The following KIAA1217 variants were observed in gnomAD, a reference collection of about 807,000 sequenced individuals.
KIAA1217 encodes KIAA1217.
In KIAA1217, 88 loss-of-function variants were observed where a neutral mutation model predicts 163.9. The ratio of observed to expected loss-of-function variants is 0.54; its 90% CI spans 0.45 to 0.64. KIAA1217 has a LOEUF of 0.64. Among genes scored for constraint, KIAA1217 ranks in the 30% least tolerant of loss-of-function variants. KIAA1217 has a pLI of 0.00. For missense variants in KIAA1217, 2,372 were observed against 2,475.0 expected (o/e 0.96, Z 0.88); for synonymous variants, 903 against 923.1 (o/e 0.98, Z 0.39).
intron 2 of KIAA1217, among the ~76,000 whole-genome samples, chr10:24,062,941 T>C (rs1477522893): frequency 2.0e-5 from 3 of 152,312 alleles, no homozygotes; most frequent in Non-Finnish European, 2.9e-5. Context: ...ATATCTTCTT[T>C]TGAGAAGTGT....
chr10:23,705,678 A>T (rs1304537305), intron 1 of KIAA1217, among the ~76,000 whole-genome samples: 2 of 152,194 alleles, frequency 1.3e-5, no homozygotes, highest in Admixed American at 1.3e-4. Context: ...ATTGTGAGTT[A>T]TTCAACTTTG....
chr10:24,521,209 C>G (rs1259949370), intron 11 of KIAA1217, among the ~76,000 whole-genome samples: 2 of 151,952 alleles, frequency 1.3e-5, no homozygotes, highest in Admixed American at 6.6e-5. Flanking sequence ...TGGCACAAAC[C>G]TGTAGTCCCA....
At chr10:24,161,362 C>T (rs1184552629) in intron 2 of KIAA1217, among the ~76,000 whole-genome samples, 2 of 152,172 alleles carry the variant, frequency 1.3e-5, no homozygotes, top group Admixed American at 1.3e-4. Flanking sequence ...AGAGACAGAA[C>T]AGCAAGAGAG....
intron 1 of KIAA1217, among the ~76,000 whole-genome samples, chr10:23,795,959 G>A (rs191822024): frequency 4.7e-4 from 71 of 152,206 alleles, no homozygotes; most frequent in East Asian, 1.4e-3. Context: ...CAAATTGTTC[G>A]TTTACTTTTC....
intron 8 of KIAA1217, among the ~76,000 whole-genome samples, chr10:24,498,841 C>A (rs896800941): frequency 6.6e-6 from 1 of 152,182 alleles, no homozygotes; most frequent in African/African-American, 2.4e-5. Context: ...TGAAAGTTAT[C>A]TTCTTAAACC....
chr10:24,079,679 T>C (rs6482363), intron 2 of KIAA1217, among the ~76,000 whole-genome samples: 4,863 of 152,158 alleles, frequency 0.032, 260 homozygotes, highest in African/African-American at 0.11. Flanking sequence ...CAGAAAATGG[T>C]TTGTTTGCAA....
intron 2 of KIAA1217, among the ~76,000 whole-genome samples, chr10:24,129,581 C>T (rs1352422563): frequency 1.3e-5 from 2 of 152,166 alleles, no homozygotes; most frequent in African/African-American, 2.4e-5. Context: ...CTGCCACTCT[C>T]ATGATTAATC....
intron 1 of KIAA1217, among the ~76,000 whole-genome samples, chr10:23,917,727 G>A (rs566007033): frequency 6.6e-6 from 1 of 152,302 alleles, no homozygotes; most frequent in Non-Finnish European, 1.5e-5. Flanking sequence ...AGCTGTCGCT[G>A]ACAAATGGTG....
chr10:24,408,632 G>C (rs1473382202), intron 3 of KIAA1217, among the ~76,000 whole-genome samples: 2 of 152,088 alleles, frequency 1.3e-5, no homozygotes, highest in Non-Finnish European at 1.5e-5. Flanking sequence ...TAATAACCTA[G>C]TTTATTGGCA....
chr10:23,793,675 G>A (rs1836065892), intron 1 of KIAA1217, among the ~76,000 whole-genome samples: 1 of 152,152 alleles, frequency 6.6e-6, no homozygotes, highest in African/African-American at 2.4e-5. Context: ...CATATAAAAT[G>A]TCCACACAGA....
rs549610910 is a variant in KIAA1217, at chr10:23,799,085, A to G, written c.-321+103851A>G. 2.6e-5 allele frequency among the ~76,000 whole-genome samples: 4 copies of G among 152,192 alleles called. No individual in the cohort carries two copies. In the South Asian group the frequency reaches 8.3e-4, roughly 32 times the overall value. On this transcript the variant is annotated intron_variant, in intron 1 of 18. Coordinates refer to the KIAA1217 transcript ENST00000376462. Reference sequence around the variant, plus strand: ...AAATTTTTGGTGTTCCTTGGCTTGTACATGCATCACCCTGGACTCTGCCTT... The same window carrying G: ...AAATTTTTGGTGTTCCTTGGCTTGTGCATGCATCACCCTGGACTCTGCCTT...
chr10:24,543,352 A>G lies in KIAA1217; in HGVS notation c.4082A>G (p.Asn1361Ser). The G allele has an allele frequency of 6.2e-7, 1 of 1,614,162 alleles. No individual in the cohort carries two copies. Among genetic ancestry groups the G allele is most frequent in the Non-Finnish European group, 8.5e-7 (1 of 1,180,014 alleles). The part of the protein sequence containing the change: ...RPKEARHANV[N>S]PNEDGESSSS... ...AAGGAGGCAAGGCATGCTAACGTGA[A>G]CCCTAATGAGGATGGAGAATCAAGT... Residue 1361 changes from asparagine to serine, a missense_variant, in exon 19 of 21, where the codon AAC (asparagine) becomes AGC (serine). Coordinates refer to ENST00000376454, the MANE Select transcript of KIAA1217 (RefSeq NM_019590.5).
chr10:23,835,043 T>C (rs1838382995), intron 1 of KIAA1217, among the ~76,000 whole-genome samples: 1 of 151,922 alleles, frequency 6.6e-6, no homozygotes, highest in Non-Finnish European at 1.5e-5. Context: ...AGTTGGGATA[T>C]GGGGTAATTG....
intron 1 of KIAA1217, among the ~76,000 whole-genome samples, chr10:23,756,705 A>T (rs1321619629): frequency 6.6e-6 from 1 of 152,234 alleles, no homozygotes; most frequent in Non-Finnish European, 1.5e-5. Flanking sequence ...CTATTTAAAA[A>T]TTATTAGTAT....
chr10:24,066,136 A>G (rs1328326162), intron 2 of KIAA1217, among the ~76,000 whole-genome samples: 2 of 152,142 alleles, frequency 1.3e-5, no homozygotes, highest in African/African-American at 4.8e-5. Flanking sequence ...CATTTAGCCC[A>G]TTTACATTTA....
chr10:24,532,675 G>C (rs1243810262), intron 15 of KIAA1217, among the ~76,000 whole-genome samples: 1 of 152,120 alleles, frequency 6.6e-6, no homozygotes. Context: ...GTCCGATCTC[G>C]TGAGACTTAT....
At chr10:24,187,206 G>A (rs769628785) in intron 2 of KIAA1217, among the ~76,000 whole-genome samples, 1 of 152,132 alleles carries the variant, frequency 6.6e-6, no homozygotes, top group African/African-American at 2.4e-5. Context: ...TGAGCTTCCT[G>A]TCTTGTCGCT....
intron 1 of KIAA1217, among the ~76,000 whole-genome samples, chr10:23,946,774 G>A (rs775891660): frequency 2.2e-4 from 34 of 152,278 alleles, no homozygotes; most frequent in Non-Finnish European, 4.1e-4. Context: ...TGAAGGAATG[G>A]GGTCAGGAAG....
At chr10:23,805,730 A>C (rs1451928960) in intron 1 of KIAA1217, among the ~76,000 whole-genome samples, 6 of 152,090 alleles carry the variant, frequency 3.9e-5, no homozygotes, top group Non-Finnish European at 8.8e-5. Flanking sequence ...AAAGAAAAAT[A>C]GGGCCAGGTG....
Sources: allele counts gnomAD v4.1 joint callset (sites outside exome capture counted in the v4.1 genomes callset), GRCh38; gene constraint gnomAD v4.1.1; transcripts MANE v1.5; gene names NCBI Gene and HGNC (gene_info 2026-07-23, HGNC 2026-07-21).